CNTLN: variants seen among roughly 807,000 people sequenced by gnomAD.
CNTLN encodes centlein.
A neutral mutation model predicts 180.0 loss-of-function variants in CNTLN; 212 were observed. That is an observed-to-expected ratio of 1.18 (90% CI 1.05 to 1.32). The LOEUF is 1.32. CNTLN is among the 40% of genes most tolerant of loss of function. CNTLN has a pLI of 0.00. For synonymous variants in CNTLN, 722 were observed against 563.1 expected (o/e 1.28, Z -3.99); for missense variants, 2,095 against 1,610.9 (o/e 1.30, Z -5.14).
chr9:17,508,844 C>A (rs1833979764), downstream of CNTLN, among the ~76,000 whole-genome samples: 1 of 152,174 alleles, frequency 6.6e-6, no homozygotes, highest in African/African-American at 2.4e-5. Context: ...TTACACACCA[C>A]TCTTGAAGGT....
rs866099091 is a variant in CNTLN, at chr9:17,135,415, C to T, written c.350C>T (p.Ala117Val). Residue 117 changes from alanine to valine, a missense_variant, in exon 1 of 26, where the codon GCC (alanine) becomes GTC (valine). By Grantham distance (64) the Ala-to-Val change is moderately conservative (BLOSUM62 0). Transcript: ENST00000380647. ...EELSSLKEEL[A>V]LCQADKEFVW... is the part of the protein sequence containing the mutation. ...CTGAGCAGCCTAAAGGAGGAGTTGGCCCTGTGTCAGGTATCGAGGAGTCTC... is the reference window on the plus strand; with the variant it reads ...CTGAGCAGCCTAAAGGAGGAGTTGGTCCTGTGTCAGGTATCGAGGAGTCTC... 7 of 1,596,014 alleles carry T rather than the reference C, an allele frequency of 4.4e-6. No homozygotes were observed. The highest frequency in any genetic ancestry group is 6.0e-6 in the Non-Finnish European group (7 of 1,172,600).
intron 2 of CNTLN, among the ~76,000 whole-genome samples, chr9:17,214,290 A>G (rs1173354301): frequency 6.6e-6 from 1 of 152,080 alleles, no homozygotes; most frequent in Non-Finnish European, 1.5e-5. Context: ...TCTGTAAAGT[A>G]TTTTATTTCT....
chr9:17,486,999 AAAC>A lies in CNTLN; in HGVS notation c.4055_4057del (p.Thr1352del). On this transcript the variant is annotated inframe_deletion, in exon 25 of 26. Transcript: ENST00000380647. The stretch of plus-strand genomic sequence containing the variant: ...ATTTTTTTTCTTCAGGAAATTGAAA[AAAC>A]AAAAATTGATGCTGAAAATGACAAG... 1 of 1,576,708 alleles carries A rather than the reference AAAC, an allele frequency of 6.3e-7. No homozygotes were observed. The highest frequency in any genetic ancestry group is 1.2e-5 in the South Asian group (1 of 84,262).
intron 2 of CNTLN, among the ~76,000 whole-genome samples, chr9:17,204,565 C>T (rs897122672): frequency 3.9e-5 from 6 of 152,132 alleles, no homozygotes; most frequent in East Asian, 1.9e-4. Context: ...AGAGGGACAC[C>T]GGCCTGATGC....
intron 18 of CNTLN, among the ~76,000 whole-genome samples, chr9:17,423,114 G>A (rs1828838516): frequency 6.6e-6 from 1 of 152,116 alleles, no homozygotes; most frequent in African/African-American, 2.4e-5. Context: ...GTTGGGAGAG[G>A]GGTGACTGAG....
chr9:17,278,655 T>C (rs1828470045), intron 6 of CNTLN, among the ~76,000 whole-genome samples: 1 of 152,206 alleles, frequency 6.6e-6, no homozygotes, highest in Non-Finnish European at 1.5e-5. Flanking sequence ...TAAAAATAAG[T>C]TGTTTTGTTT....
chr9:17,146,849 T>G (rs1818491434), intron 2 of CNTLN, among the ~76,000 whole-genome samples: 1 of 152,158 alleles, frequency 6.6e-6, no homozygotes, highest in Non-Finnish European at 1.5e-5. Flanking sequence ...AATAGAATAA[T>G]TTTTTAATCT....
chr9:17,472,683 A>T (rs1368941413), intron 23 of CNTLN, among the ~76,000 whole-genome samples: 1 of 152,118 alleles, frequency 6.6e-6, no homozygotes, highest in Non-Finnish European at 1.5e-5. Context: ...AAAGTTCTGC[A>T]TTGGGAAGAA....
intron 5 of CNTLN, among the ~76,000 whole-genome samples, chr9:17,249,760 G>T (rs1254567210): frequency 1.3e-5 from 2 of 151,352 alleles, no homozygotes; most frequent in African/African-American, 4.9e-5. Flanking sequence ...TTATATTACT[G>T]TTTTAACATT....
intron 18 of CNTLN, among the ~76,000 whole-genome samples, chr9:17,433,688 C>T (rs771136969): frequency 2.6e-5 from 4 of 151,908 alleles, no homozygotes; most frequent in African/African-American, 7.3e-5. Flanking sequence ...AGTGCAGTGA[C>T]GTGATCATGG....
intron 2 of CNTLN, among the ~76,000 whole-genome samples, chr9:17,171,825 A>ATAGG (rs1050681925): frequency 2.6e-5 from 4 of 152,076 alleles, no homozygotes; most frequent in African/African-American, 9.7e-5. Context: ...GTGCAAAGTT[A>ATAGG]TAGGTAGCTC....
intron 13 of CNTLN, among the ~76,000 whole-genome samples, chr9:17,367,135 C>T (rs1055754306): frequency 6.6e-6 from 1 of 152,206 alleles, no homozygotes; most frequent in East Asian, 1.9e-4. Context: ...GCCACCCTTC[C>T]CCTATCTCCT....
chr9:17,411,892 A>T (rs1446840033), intron 16 of CNTLN, among the ~76,000 whole-genome samples: 3 of 152,064 alleles, frequency 2.0e-5, no homozygotes, highest in Non-Finnish European at 4.4e-5. Context: ...GTCATTGGAG[A>T]TCACATAGGG....
chr9:17,272,190 C>G (rs1285911047), intron 5 of CNTLN, among the ~76,000 whole-genome samples: 3 of 146,638 alleles, frequency 2.0e-5, no homozygotes, highest in African/African-American at 7.5e-5. Flanking sequence ...GATTCTTTTG[C>G]CTCAGCCTCC....
chr9:17,262,102 T>C (rs1217545015), intron 5 of CNTLN, among the ~76,000 whole-genome samples: 2 of 151,356 alleles, frequency 1.3e-5, no homozygotes, highest in African/African-American at 4.9e-5. Context: ...TATGGAGAAA[T>C]AGAAACACTT....
chr9:17,209,526 C>G (rs969942304), intron 2 of CNTLN, among the ~76,000 whole-genome samples: 1 of 152,160 alleles, frequency 6.6e-6, no homozygotes. Flanking sequence ...GATGTTGAAG[C>G]CTCCAGCTAT....
intron 2 of CNTLN, among the ~76,000 whole-genome samples, chr9:17,168,709 G>T (rs1018152899): frequency 6.6e-6 from 1 of 152,044 alleles, no homozygotes; most frequent in African/African-American, 2.4e-5. Context: ...TTAACCACAG[G>T]TATCTATTTA....
chr9:17,342,655 A>G (rs1014148053), intron 12 of CNTLN, among the ~76,000 whole-genome samples: 1 of 152,214 alleles, frequency 6.6e-6, no homozygotes, highest in African/African-American at 2.4e-5. Flanking sequence ...CAGAAACTGG[A>G]TAATATGATC....
intron 10 of CNTLN, among the ~76,000 whole-genome samples, chr9:17,335,919 C>G (rs1820987796): frequency 8.5e-6 from 1 of 117,144 alleles, no homozygotes; most frequent in Non-Finnish European, 1.8e-5. Context: ...TCCAGCGAGT[C>G]TGTCTCAAAA....
Sources: gnomAD v4.1 joint callset for allele counts (sites outside exome capture counted in the v4.1 genomes callset) on GRCh38, gnomAD v4.1.1 for gene constraint, MANE v1.5 for transcripts, NCBI Gene and HGNC (gene_info 2026-07-23, HGNC 2026-07-21) for gene names.